WDFY4: variants seen among roughly 807,000 people sequenced by gnomAD.
WDFY4 encodes WD repeat- and FYVE domain-containing protein 4.
Under a neutral mutation model 351.9 loss-of-function variants are expected in WDFY4, and 169 were observed. The observed-to-expected ratio is 0.48, with a 90% CI of 0.42 to 0.55. The LOEUF is 0.55. Among genes scored for constraint, WDFY4 ranks in the 20% least tolerant of loss-of-function variants. The pLI is 0.00. For missense variants in WDFY4, 3,803 were observed against 3,935.6 expected (o/e 0.97, Z 0.90); for synonymous variants, 1,622 against 1,574.6 (o/e 1.03, Z -0.71).
At chr10:48,768,531 A>G (rs2065749506) in intron 13 of WDFY4, among the ~76,000 whole-genome samples, 1 of 151,992 alleles carries the variant, frequency 6.6e-6, no homozygotes, top group South Asian at 2.1e-4. Context: ...TCAACGCTTC[A>G]TTGGCACATC....
At chr10:48,786,899 T>C in intron 20 of WDFY4, 29 bp downstream of exon 20, 1 of 1,533,474 alleles carries the variant, frequency 6.5e-7, no homozygotes, top group Admixed American at 2.0e-5. Flanking sequence ...TACAATGTTC[T>C]TGCTGATATT....
intron 55 of WDFY4, chr10:48,968,825 G>A: frequency 3.9e-6 from 2 of 516,378 alleles, no homozygotes; most frequent in South Asian, 4.6e-5. Flanking sequence ...GATGGGAATT[G>A]TGCCTCCCTG....
At chr10:48,890,794 C>G (rs2070664098) in intron 44 of WDFY4, 67 bp downstream of exon 44, 18 of 1,539,120 alleles carry the variant, frequency 1.2e-5, no homozygotes, top group Non-Finnish European at 1.3e-5. Flanking sequence ...GCCGCCCCCA[C>G]TATTCCCCTT....
rs2068022579 is a variant in WDFY4, at chr10:48,826,722, A to G, written c.6034A>G (p.Ser2012Gly). 1 of 1,551,804 alleles carries G rather than the reference A, an allele frequency of 6.4e-7. No individual in the cohort carries two copies. Among genetic ancestry groups the G allele is most frequent in the African/African-American group, 1.4e-5 (1 of 73,162 alleles). The change falls in exon 36 of 62, where the codon AGC (serine) becomes GGC (glycine). Residue 2012 changes from serine (S) to glycine (G), a missense_variant. By Grantham distance (56) the Ser-to-Gly change is moderately conservative. Transcript: ENST00000325239. The part of the protein sequence containing the change: ...QRDTVLSTLY[S>G]SLNKVILYCL... The stretch of plus-strand genomic sequence containing the variant: ...GGACACTGTCCTCAGCACTTTATAC[A>G]GCAGTTTAAATAAAGTCATTCTTTA...
At chr10:48,721,193 G>T in intron 3 of WDFY4, 68 bp from the exon 4 acceptor site, 6 of 1,437,240 alleles carry the variant, frequency 4.2e-6, no homozygotes, top group Non-Finnish European at 5.7e-6. Context: ...GGGAAGAGGG[G>T]GCCCTGGATG....
chr10:48,783,821 G>A (rs1370709057), intron 19 of WDFY4, among the ~76,000 whole-genome samples: 2 of 152,168 alleles, frequency 1.3e-5, no homozygotes, highest in Non-Finnish European at 2.9e-5. Flanking sequence ...AATACTGTAG[G>A]CAACTGTAAC....
At chr10:48,695,049 A>T (rs1036041787) in intron 1 of WDFY4, among the ~76,000 whole-genome samples, 2 of 152,334 alleles carry the variant, frequency 1.3e-5, no homozygotes, top group African/African-American at 4.8e-5. Context: ...GAGACCCACT[A>T]CACGGAACAT....
At chr10:48,826,431 G>A (rs996086907) in intron 35 of WDFY4, among the ~76,000 whole-genome samples, 1 of 151,834 alleles carries the variant, frequency 6.6e-6, no homozygotes, top group Non-Finnish European at 1.5e-5. Flanking sequence ...TTTTTGCTTT[G>A]GATTGTCTTG....
Position 48,811,678 on chromosome 10 carries a change from A to G in WDFY4, c.5184A>G (p.Thr1728=). 4 of 1,551,764 alleles carry G rather than the reference A, an allele frequency of 2.6e-6. No homozygotes were observed. Among genetic ancestry groups the G allele is most frequent in the Non-Finnish European group, 3.5e-6 (4 of 1,147,012 alleles). The part of the protein sequence containing the change: ...YLIVSTFFLQ[T]PLTELMDGPK... ...TCGTCTCCACCTTCTTCCTGCAGAC[A>G]CCACTCACAGAGCTGATGGACGGGC... Residue 1728 remains threonine (T), a synonymous_variant, in exon 30 of 62, where the codon ACA becomes ACG. Coordinates refer to ENST00000325239, the MANE Select transcript of WDFY4 (RefSeq NM_001394531.1).
chr10:48,944,796 C>T (rs1034628490), intron 49 of WDFY4, among the ~76,000 whole-genome samples: 3 of 152,108 alleles, frequency 2.0e-5, no homozygotes, highest in African/African-American at 4.8e-5. Flanking sequence ...GTATTTAAAA[C>T]CTTGATTATT....
intron 19 of WDFY4, among the ~76,000 whole-genome samples, chr10:48,782,774 A>G (rs1290186027): frequency 6.6e-6 from 1 of 152,262 alleles, no homozygotes; most frequent in African/African-American, 2.4e-5. Context: ...GGAAACTTAC[A>G]TAAATTTGTA....
chr10:48,844,904 T>C (rs2068724971), intron 39 of WDFY4, among the ~76,000 whole-genome samples: 1 of 152,176 alleles, frequency 6.6e-6, no homozygotes, highest in Admixed American at 6.5e-5. Context: ...TAAAGAAATC[T>C]GAAAGACCTA....
chr10:48,698,408 T>A (rs1373511249), intron 1 of WDFY4, among the ~76,000 whole-genome samples: 1 of 152,188 alleles, frequency 6.6e-6, no homozygotes, highest in East Asian at 1.9e-4. Context: ...TTCTAGTGGG[T>A]GGGCCTTGCC....
At chr10:48,836,508 A>C (rs879629078) in intron 39 of WDFY4, among the ~76,000 whole-genome samples, 1 of 152,228 alleles carries the variant, frequency 6.6e-6, no homozygotes, top group Non-Finnish European at 1.5e-5. Context: ...ATTCCTTATC[A>C]TGTCAGCAGC....
At chr10:48,756,360 T>G (rs2065336273) in intron 12 of WDFY4, among the ~76,000 whole-genome samples, 1 of 151,864 alleles carries the variant, frequency 6.6e-6, no homozygotes, top group Non-Finnish European at 1.5e-5. Context: ...GTATGTCGAC[T>G]ATTATTCTGA....
intron 20 of WDFY4, among the ~76,000 whole-genome samples, chr10:48,787,954 CTT>C (rs1565199241): frequency 2.5e-5 from 3 of 121,980 alleles, no homozygotes; most frequent in South Asian, 2.8e-4. Flanking sequence ...TCTTCTTCTT[CTT>C]CTTCTTCTTC....
At chr10:48,927,546 T>C (rs1839677408) in intron 47 of WDFY4, among the ~76,000 whole-genome samples, 1 of 152,194 alleles carries the variant, frequency 6.6e-6, no homozygotes, top group Non-Finnish European at 1.5e-5. Context: ...ATTTGGCAAT[T>C]ATCTGGTTAA....
intron 2 of WDFY4, among the ~76,000 whole-genome samples, chr10:48,714,456 A>G (rs968816427): frequency 1.3e-5 from 2 of 152,250 alleles, no homozygotes; most frequent in Non-Finnish European, 2.9e-5. Context: ...TGTGGTGTGC[A>G]GAGTAGTGTT....
chr10:48,732,219 C>A lies in WDFY4; in HGVS notation c.1582+657C>A, dbSNP rs188538811. On this transcript the variant is annotated intron_variant, in intron 9 of 61. Coordinates refer to ENST00000325239, the MANE Select transcript of WDFY4 (RefSeq NM_001394531.1). Reference sequence around the variant, plus strand: ...CACTGCCTCACCATGCTCCCCAGCACATATCCTGCTGGAGTCACTCTATGT... The same window carrying A: ...CACTGCCTCACCATGCTCCCCAGCAAATATCCTGCTGGAGTCACTCTATGT... 3.3e-5 allele frequency among the ~76,000 whole-genome samples: 5 copies of A among 152,314 alleles called. No individual in the cohort carries two copies. The East Asian group carries it at 9.6e-4, about 29-fold the overall frequency.
Sources: allele counts gnomAD v4.1 joint callset (sites outside exome capture counted in the v4.1 genomes callset), GRCh38; gene constraint gnomAD v4.1.1; transcripts MANE v1.5; gene names NCBI Gene and HGNC (gene_info 2026-07-23, HGNC 2026-07-21).